The following HIVEP1 variants were observed in gnomAD, a reference collection of about 807,000 sequenced individuals.
The protein encoded by HIVEP1 is zinc finger protein 40.
HIVEP1 carries 36 observed loss-of-function variants against 180.0 expected under a neutral mutation model. The ratio of observed to expected loss-of-function variants is 0.20; its 90% CI spans 0.15 to 0.26. HIVEP1 has a LOEUF of 0.26. HIVEP1 is among the 10% of genes least tolerant of loss of function. The probability of loss-of-function intolerance (pLI) is 1.00; values close to 1 mark genes in which losing one functional copy is unlikely to be tolerated. For synonymous variants in HIVEP1, 1,239 were observed against 1,239.0 expected (o/e 1.00, Z 0.00); for missense variants, 3,143 against 3,268.7 (o/e 0.96, Z 0.94).
chr6:12,168,384 G>GTATATATAT (rs368883688), downstream of HIVEP1, among the ~76,000 whole-genome samples: 26,792 of 130,028 alleles, frequency 0.21, 3,366 homozygotes, highest in East Asian at 0.45. Context: ...ATGTATATAT[G>GTATATATAT]TATATATATA....
At chr6:12,076,189 A>G (rs1317116344) in intron 2 of HIVEP1, among the ~76,000 whole-genome samples, 1 of 152,132 alleles carries the variant, frequency 6.6e-6, no homozygotes, top group Non-Finnish European at 1.5e-5. Flanking sequence ...ATTGCTTTTA[A>G]GTTTTTAGAT....
intron 2 of HIVEP1, among the ~76,000 whole-genome samples, chr6:12,077,599 C>T (rs1010154368): frequency 6.6e-6 from 1 of 152,162 alleles, no homozygotes; most frequent in Admixed American, 6.5e-5. Context: ...CTGAAGGTGC[C>T]AACACAGTGA....
the HIVEP1 span, among the ~76,000 whole-genome samples, chr6:12,202,774 G>A: frequency 1.3e-5 from 2 of 152,144 alleles, no homozygotes; most frequent in African/African-American, 4.8e-5. Context: ...TATGGGTGCT[G>A]GTTCCCATTC....
intron 3 of HIVEP1, among the ~76,000 whole-genome samples, chr6:12,115,754 T>C (rs963310319): frequency 2.0e-5 from 3 of 152,032 alleles, no homozygotes; most frequent in Admixed American, 1.3e-4. Flanking sequence ...ATGTCTAAAC[T>C]TAGTAATGGT....
intron 3 of HIVEP1, among the ~76,000 whole-genome samples, 174 bp from the exon 4 acceptor site, chr6:12,119,716 A>G (rs1319231347): frequency 6.6e-6 from 1 of 152,242 alleles, no homozygotes; most frequent in African/African-American, 2.4e-5. Context: ...GATTGGCATC[A>G]TTGTTCAATT....
At chr6:12,018,461 C>T (rs1289583999) in intron 2 of HIVEP1, among the ~76,000 whole-genome samples, 2 of 152,220 alleles carry the variant, frequency 1.3e-5, no homozygotes, top group Non-Finnish European at 2.9e-5. Flanking sequence ...TCATGTACTT[C>T]ATGTTCTTAT....
At position 12,125,730 on chromosome 6, in the gene HIVEP1, G is replaced by A. The variant is rs752889378; in HGVS notation, c.5935G>A (p.Gly1979Ser). Residue 1979 changes from glycine to serine, a missense_variant, in exon 4 of 9, where the codon GGT becomes AGT. By Grantham distance (56) the Gly-to-Ser change is moderately conservative. Transcript: ENST00000379388. ...TVSASNPNPL[G>S]LPTKVALALL... ...AAGCGCCAGTAATCCAAATCCACTC[G>A]GTTTGCCCACAAAAGTTGCACTTGC... 45 of 1,613,982 alleles carry A rather than the reference G, an allele frequency of 2.8e-5. No individual in the cohort carries two copies. The highest frequency in any genetic ancestry group is 8.3e-5 in the Admixed American group (5 of 59,994).
Position 12,123,111 on chromosome 6 carries a change from C to G in HIVEP1, c.3316C>G (p.Pro1106Ala). 6.2e-7 allele frequency: 1 copy of G among 1,614,118 alleles called. No individual in the cohort carries two copies. Among genetic ancestry groups the G allele is most frequent in the Non-Finnish European group, 8.5e-7 (1 of 1,179,988 alleles). ...VARGPEQTMD[P>A]KLSTIMEQQI... ...CAGGGGCCCTGAGCAGACCATGGAT[C>G]CCAAGCTGTCGACCATCATGGAACA... Residue 1106 changes from proline (P) to alanine (A), a missense_variant, in exon 4 of 9, where the codon CCC (proline) becomes GCC (alanine). Coordinates refer to ENST00000379388, the MANE Select transcript of HIVEP1 (RefSeq NM_002114.4).
chr6:12,018,527 T>TG (rs1181634851), intron 2 of HIVEP1, among the ~76,000 whole-genome samples: 4 of 152,242 alleles, frequency 2.6e-5, no homozygotes, highest in African/African-American at 9.7e-5. Context: ...GTTGAAGAGC[T>TG]GATAGGTAAA....
the HIVEP1 span, among the ~76,000 whole-genome samples, chr6:12,176,413 G>A: frequency 6.6e-6 from 1 of 151,928 alleles, no homozygotes; most frequent in African/African-American, 2.4e-5. Flanking sequence ...TGTATTTTTA[G>A]TAGAGATGGA....
At chr6:12,141,902 C>T (rs979549495) in intron 7 of HIVEP1, among the ~76,000 whole-genome samples, 2 of 144,632 alleles carry the variant, frequency 1.4e-5, no homozygotes, top group East Asian at 4.1e-4. Flanking sequence ...TAGAGACCTA[C>T]AAAGAGACTT....
chr6:12,125,369 T>G lies in HIVEP1; in HGVS notation c.5574T>G (p.Phe1858Leu), dbSNP rs768151765. 2 of 1,614,166 alleles carry G rather than the reference T, an allele frequency of 1.2e-6. No individual in the cohort carries two copies. The highest frequency in any genetic ancestry group is 1.1e-5 in the South Asian group (1 of 91,084). The change falls in exon 4 of 9, where the codon TTT becomes TTG. Residue 1858 changes from phenylalanine to leucine, a missense_variant. Around this residue, in one of 12 missense-constraint regions of HIVEP1, gnomAD observed 1,357 missense variants for 1,260.5 expected, o/e 1.08. Coordinates refer to ENST00000379388, the MANE Select transcript of HIVEP1 (RefSeq NM_002114.4). ...VIEPISELQE[F>L]ENIKSSTSLT... Reference sequence around the variant, plus strand: ...AACCTATAAGTGAATTGCAGGAATTTGAAAACATCAAGTCATCCACATCAT... The same window carrying G: ...AACCTATAAGTGAATTGCAGGAATTGGAAAACATCAAGTCATCCACATCAT...
rs1042886314 is a variant in HIVEP1, at chr6:12,108,387, C to T, written c.95-11503C>T. Among the ~76,000 whole-genome samples the T allele has an allele frequency of 3.3e-5, 5 of 152,350 alleles. No homozygotes were observed. The East Asian group carries it at 5.8e-4, about 18-fold the overall frequency. ...GCCTGCCAGTCCCGTGCACTGCGCC[C>T]GCACTCTTCAGCCCTTGGGTGGTCA... On this transcript the variant is annotated intron_variant, in intron 3 of 8. Transcript: ENST00000379388.
intron 7 of HIVEP1, among the ~76,000 whole-genome samples, chr6:12,141,662 GGAA>G (rs1235378543): frequency 1.9e-5 from 2 of 102,664 alleles, no homozygotes; most frequent in East Asian, 3.3e-4. Flanking sequence ...ATAAAGGGAT[GGAA>G]GAAGATCTAC....
In HIVEP1 at chr6:12,124,626, A is replaced by T; in HGVS notation, c.4831A>T (p.Asn1611Tyr). The stretch of plus-strand genomic sequence containing the variant: ...AACCAAATTAATTGACAGCATGTCT[A>T]ATTCGCATCCTCTGCTACCACCAGA... ...LPTKLIDSMS[N>Y]SHPLLPPELR... Residue 1611 changes from asparagine to tyrosine, a missense_variant, in exon 4 of 9, where the codon AAT (asparagine) becomes TAT (tyrosine). Coordinates refer to ENST00000379388, the MANE Select transcript of HIVEP1 (RefSeq NM_002114.4). 6.2e-7 allele frequency: 1 copy of T among 1,614,156 alleles called. No homozygotes were observed. The highest frequency in any genetic ancestry group is 8.5e-7 in the Non-Finnish European group (1 of 1,180,014).
intron 3 of HIVEP1, among the ~76,000 whole-genome samples, chr6:12,105,989 T>C (rs9470936): frequency 6.6e-6 from 1 of 151,526 alleles, no homozygotes; most frequent in Non-Finnish European, 1.5e-5. Context: ...TAAGTACATA[T>C]ATACATATAT....
intron 2 of HIVEP1, among the ~76,000 whole-genome samples, chr6:12,058,945 CT>C (rs879926692): frequency 5.3e-4 from 78 of 146,538 alleles, no homozygotes; most frequent in African/African-American, 7.0e-4. Flanking sequence ...TTCATGCTTA[CT>C]TTTTTTTTTT....
intron 2 of HIVEP1, among the ~76,000 whole-genome samples, chr6:12,062,260 A>G (rs966567039): frequency 6.6e-6 from 1 of 152,170 alleles, no homozygotes; most frequent in African/African-American, 2.4e-5. Flanking sequence ...TACTTAATAC[A>G]TGTTAGAGAT....
rs142530679 is a variant in HIVEP1 at position 12,161,835 on chromosome 6, C to T, written c.6884C>T (p.Ser2295Phe). ...ENDTIPSVDT[S>F]RSPCHQMSVD... ...GACACAATTCCGTCTGTAGACACTTCCAGGTCCCCGTGTCATCAGATGTCT... is the reference window on the plus strand; with the variant it reads ...GACACAATTCCGTCTGTAGACACTTTCAGGTCCCCGTGTCATCAGATGTCT... Residue 2295 changes from serine (S) to phenylalanine (F), a missense_variant, in exon 8 of 9, where the codon TCC becomes TTC. Around this residue, in one of 12 missense-constraint regions of HIVEP1, gnomAD observed 595 missense variants for 602.2 expected, o/e 0.99. Transcript: ENST00000379388. 5.7e-4 allele frequency: 918 copies of T among 1,614,080 alleles called. 5 individuals are homozygous for T. In the African/African-American group the frequency reaches 0.01, roughly 18 times the overall value.
Sources: gnomAD v4.1 joint callset for allele counts (sites outside exome capture counted in the v4.1 genomes callset) on GRCh38, gnomAD v4.1.1 for gene constraint, gnomAD v4.1.1 regional missense constraint, MANE v1.5 for transcripts, NCBI Gene and HGNC (gene_info 2026-07-23, HGNC 2026-07-21) for gene names.